TCF4: variants seen among roughly 807,000 people sequenced by gnomAD.
TCF4 encodes the protein transcription factor 4, also known as SL3-3 enhancer factor 2.
Under a neutral mutation model 82.1 loss-of-function variants are expected in TCF4, and 3 were observed. That is an observed-to-expected ratio of 0.04 (90% CI 0.02 to 0.09). The LOEUF is 0.09. TCF4 is among the 10% of genes least tolerant of loss of function. The pLI is 1.00. For missense variants in TCF4, 518 were observed against 852.7 expected (o/e 0.61, Z 4.89); for synonymous variants, 276 against 309.6 (o/e 0.89, Z 1.14).
At chr18:55,481,600 G>A (rs1422801360) in intron 3 of TCF4, among the ~76,000 whole-genome samples, 1 of 152,170 alleles carries the variant, frequency 6.6e-6, no homozygotes, top group Non-Finnish European at 1.5e-5. Flanking sequence ...TTCCCATGAA[G>A]ACAGAAAGCT....
rs1223119002 is a variant in TCF4 at position 55,391,346 on chromosome 18, C to T, written c.369+12108G>A. 2.0e-5 allele frequency among the ~76,000 whole-genome samples: 3 copies of T among 152,096 alleles called. No individual in the cohort carries two copies. In the East Asian group the frequency reaches 5.8e-4, roughly 29 times the overall value. On this transcript the variant is annotated intron_variant, in intron 6 of 19. Coordinates refer to ENST00000354452, the MANE Select transcript of TCF4 (RefSeq NM_001083962.2). ...GAGTTTTGATCAAAAAGTTTGTTTA[C>T]AATTCATAATATATATATTTTTTAA...
At chr18:55,300,537 C>A (rs974832191) in intron 8 of TCF4, among the ~76,000 whole-genome samples, 4 of 152,122 alleles carry the variant, frequency 2.6e-5, no homozygotes, top group Non-Finnish European at 5.9e-5. Flanking sequence ...ACCCACCCAC[C>A]TCACCCCTGC....
At chr18:55,597,249 G>A (rs1433700363) in intron 2 of TCF4, among the ~76,000 whole-genome samples, 1 of 152,160 alleles carries the variant, frequency 6.6e-6, no homozygotes, top group Non-Finnish European at 1.5e-5. Flanking sequence ...TAATGCAATG[G>A]CCCTCATTGC....
chr18:55,354,320 A>C (rs961098213), intron 6 of TCF4, among the ~76,000 whole-genome samples: 17 of 152,140 alleles, frequency 1.1e-4, no homozygotes, highest in African/African-American at 4.1e-4. Context: ...TGTCTTTTTC[A>C]ATTAAAATTT....
chr18:55,587,532 G>A (rs911381608), intron 1 of TCF4, among the ~76,000 whole-genome samples: 1 of 150,778 alleles, frequency 6.6e-6, no homozygotes, highest in Non-Finnish European at 1.5e-5. Context: ...AGAAACTACT[G>A]AGAACGATCC....
intron 15 of TCF4, among the ~76,000 whole-genome samples, chr18:55,234,913 C>T (rs886927695): frequency 6.6e-6 from 1 of 152,178 alleles, no homozygotes; most frequent in East Asian, 1.9e-4. Flanking sequence ...GGCAGAGTAG[C>T]TCAGGCAGGT....
chr18:55,295,995 T>C (rs970634302), intron 8 of TCF4, among the ~76,000 whole-genome samples: 1 of 152,200 alleles, frequency 6.6e-6, no homozygotes, highest in Non-Finnish European at 1.5e-5. Context: ...CAGGGTTATA[T>C]TCTAACAGCT....
intron 5 of TCF4, 130 bp from the exon 6 acceptor site, chr18:55,403,648 G>A (rs758008804): frequency 5.0e-6 from 8 of 1,593,382 alleles, no homozygotes; most frequent in South Asian, 4.5e-5. Context: ...GGCAATGTAT[G>A]CAAGCAAGAG....
At chr18:55,255,962 A>G (rs1156304729) in intron 14 of TCF4, among the ~76,000 whole-genome samples, 6 of 152,200 alleles carry the variant, frequency 3.9e-5, no homozygotes, top group Non-Finnish European at 1.5e-5. Context: ...TATGGTACAG[A>G]ACATTCTGAT....
At chr18:55,306,984 T>A (rs559578919) in intron 8 of TCF4, among the ~76,000 whole-genome samples, 1 of 152,200 alleles carries the variant, frequency 6.6e-6, no homozygotes, top group Non-Finnish European at 1.5e-5. Flanking sequence ...TCATTATAAT[T>A]AGGAACCACA....
intron 16 of TCF4, among the ~76,000 whole-genome samples, 175 bp from the exon 17 acceptor site, chr18:55,232,846 C>T (rs2048290585): frequency 1.3e-5 from 2 of 152,304 alleles, no homozygotes; most frequent in Middle Eastern, 3.4e-3. Context: ...AACAAGTTTT[C>T]CCTGCATTGG....
At chr18:55,357,631 G>A (rs1199445600) in intron 6 of TCF4, among the ~76,000 whole-genome samples, 1 of 152,120 alleles carries the variant, frequency 6.6e-6, no homozygotes, top group African/African-American at 2.4e-5. Flanking sequence ...CAAAATAAAG[G>A]CATATCAAAC....
intron 5 of TCF4, among the ~76,000 whole-genome samples, chr18:55,453,494 T>C (rs983621586): frequency 5.3e-5 from 8 of 152,266 alleles, no homozygotes; most frequent in Admixed American, 5.2e-4. Context: ...TAACTTTCTA[T>C]GTGAGAAATC....
chr18:55,587,889 G>A (rs2097666880), intron 1 of TCF4, 149 bp downstream of exon 1: 1 of 631,944 alleles, frequency 1.6e-6, no homozygotes, highest in African/African-American at 2.0e-5. Flanking sequence ...GGGAAGCGGC[G>A]GGAGGGGAAG....
chr18:55,332,600 A>T (rs1311495977), intron 8 of TCF4, among the ~76,000 whole-genome samples: 6 of 152,260 alleles, frequency 3.9e-5, no homozygotes, highest in Non-Finnish European at 8.8e-5. Context: ...TCTGATTTGT[A>T]CAACTACATG....
chr18:55,259,586 A>G (rs891710930), intron 13 of TCF4: 2 of 215,284 alleles, frequency 9.3e-6, no homozygotes, highest in African/African-American at 4.6e-5. Context: ...ATGACTATCT[A>G]GTCTATATTC....
intron 8 of TCF4, chr18:55,302,526 C>T: frequency 2.0e-6 from 3 of 1,535,928 alleles, no homozygotes; most frequent in Non-Finnish European, 2.6e-6. Context: ...TGGCTGACAG[C>T]ATCAGAACTT....
Position 55,269,813 on chromosome 18 carries a change from G to A in TCF4, c.922+18C>T. 6.2e-7 allele frequency: 1 copy of A among 1,612,744 alleles called. No homozygotes were observed. The highest frequency in any genetic ancestry group is 1.1e-5 in the South Asian group (1 of 91,040). Reference sequence around the variant, plus strand: ...GACACCAATTGTTGGTATCAGAATTGGCATTTCTGTGACTCACCCATTATA... The same window carrying A: ...GACACCAATTGTTGGTATCAGAATTAGCATTTCTGTGACTCACCCATTATA... On this transcript the variant is annotated intron_variant, in intron 11 of 19. Transcript: ENST00000354452.
At chr18:55,355,554 A>C (rs2083308278) in intron 6 of TCF4, among the ~76,000 whole-genome samples, 1 of 152,206 alleles carries the variant, frequency 6.6e-6, no homozygotes, top group African/African-American at 2.4e-5. Flanking sequence ...ACCAAAGGGC[A>C]ATGAAGAACA....
Sources: gnomAD v4.1 joint callset for allele counts (sites outside exome capture counted in the v4.1 genomes callset) on GRCh38, gnomAD v4.1.1 for gene constraint, MANE v1.5 for transcripts, NCBI Gene and HGNC (gene_info 2026-07-23, HGNC 2026-07-21) for gene names.